Variants in ELOVL4 observed in about 807,000 individuals in gnomAD.
The protein encoded by ELOVL4 is very long chain fatty acid elongase 4.
ELOVL4 carries 18 observed loss-of-function variants against 42.1 expected under a neutral mutation model. The observed-to-expected ratio is 0.43, with a 90% CI of 0.30 to 0.63. ELOVL4 has a LOEUF of 0.63. Ranked by LOEUF, ELOVL4 falls within the 30% of genes least tolerant of loss-of-function variation. The pLI is 0.15. For synonymous variants in ELOVL4, 117 were observed against 127.0 expected, an observed-to-expected ratio of 0.92 and a Z score of 0.53; for missense variants, 299 against 376.2, an observed-to-expected ratio of 0.79 and a Z score of 1.70.
At position 79,916,571 on chromosome 6, in the gene ELOVL4, T is replaced by C; in HGVS notation, c.*37A>G. ...GAAATTTTATATGATATGGGAGTTTTTCCTCACTGTCAACAACAGTTAAGG... is the reference window on the plus strand; with the variant it reads ...GAAATTTTATATGATATGGGAGTTTCTCCTCACTGTCAACAACAGTTAAGG... On this transcript the variant is annotated 3_prime_UTR_variant, in exon 6 of 6. Transcript: ENST00000369816. 7 of 1,612,084 alleles carry C rather than the reference T, an allele frequency of 4.3e-6. No homozygotes were observed. Among genetic ancestry groups the C allele is most frequent in the Non-Finnish European group, 5.9e-6 (7 of 1,179,780 alleles).
At position 79,943,820 on chromosome 6, in the gene ELOVL4, T is replaced by C. The variant is rs144808205; in HGVS notation, c.100+3360A>G. Among the ~76,000 whole-genome samples the C allele has an allele frequency of 2.3e-3, 357 of 152,342 alleles. 5 individuals carry two copies. Among genetic ancestry groups the C allele is most frequent in the Admixed American group, 0.021 (318 of 15,302 alleles). On this transcript the variant is annotated intron_variant, in intron 1 of 5. Coordinates refer to ENST00000369816, the MANE Select transcript of ELOVL4 (RefSeq NM_022726.4). The stretch of plus-strand genomic sequence containing the variant: ...CCTACAGCTCTCCTCCCTCTTCCTG[T>C]ACCACTCATCCCTTCTTTCTGACCC...
chr6:79,917,053 T>C (rs142775019), intron 5 of ELOVL4, among the ~76,000 whole-genome samples, 170 bp from the exon 6 acceptor site: 19 of 152,290 alleles, frequency 1.2e-4, no homozygotes, highest in African/African-American at 2.6e-4. Context: ...TCAAATGCCA[T>C]CTCCTCAGTA....
chr6:79,925,530 C>T (rs1235786687), intron 2 of ELOVL4, among the ~76,000 whole-genome samples: 1 of 152,114 alleles, frequency 6.6e-6, no homozygotes, highest in Non-Finnish European at 1.5e-5. Flanking sequence ...TGGCTTCATA[C>T]AGAATTTTAA....
rs927018958 is a variant in ELOVL4, at chr6:79,947,394, C to A, written c.-115G>T. Reference sequence around the variant, plus strand: ...CGGCGGCCGGGAACCCCTCTAACGGCGGCGGCCCGGCTGCGTCTTCTCCTG... The same window carrying A: ...CGGCGGCCGGGAACCCCTCTAACGGAGGCGGCCCGGCTGCGTCTTCTCCTG... On this transcript the variant is annotated 5_prime_UTR_variant, in exon 1 of 6. Coordinates refer to ENST00000369816, the MANE Select transcript of ELOVL4 (RefSeq NM_022726.4). The A allele has an allele frequency of 2.5e-6, 2 of 786,890 alleles. No homozygotes were observed. Among genetic ancestry groups the A allele is most frequent in the Admixed American group, 4.1e-5 (2 of 49,352 alleles). 48.7% of individuals were successfully genotyped at this position (786,890 alleles called of 1,614,324 possible).
chr6:79,923,656 G>C (rs994939835), intron 3 of ELOVL4, among the ~76,000 whole-genome samples: 1 of 152,002 alleles, frequency 6.6e-6, no homozygotes, highest in African/African-American at 2.4e-5. Context: ...TTAGTCATTT[G>C]TTTACATGGC....
chr6:79,944,135 A>C (rs1774696768), intron 1 of ELOVL4, among the ~76,000 whole-genome samples: 1 of 152,218 alleles, frequency 6.6e-6, no homozygotes, highest in African/African-American at 2.4e-5. Context: ...AAAAGCTATT[A>C]AACATTTATT....
At chr6:79,921,860 T>C (rs1189189548) in intron 3 of ELOVL4, 64 bp from the exon 4 acceptor site, 15 of 1,477,478 alleles carry the variant, frequency 1.0e-5, no homozygotes, top group Non-Finnish European at 1.2e-5. Flanking sequence ...TTATACTCAT[T>C]GTAAGTAAGT....
intron 5 of ELOVL4, 141 bp from the exon 6 acceptor site, chr6:79,917,024 C>T: frequency 1.2e-6 from 1 of 860,152 alleles, no homozygotes; most frequent in Non-Finnish European, 1.9e-6. Flanking sequence ...GCTCCCATGG[C>T]TAGCTCCTCA....
At chr6:79,930,822 T>C (rs1253062021) in intron 1 of ELOVL4, among the ~76,000 whole-genome samples, 5 of 152,174 alleles carry the variant, frequency 3.3e-5, no homozygotes, top group African/African-American at 9.7e-5. Flanking sequence ...ATCCTCTCAT[T>C]TGGGCTATGT....
chr6:79,944,409 C>T (rs949090546), intron 1 of ELOVL4, among the ~76,000 whole-genome samples: 9 of 152,142 alleles, frequency 5.9e-5, no homozygotes, highest in Non-Finnish European at 1.0e-4. Flanking sequence ...TAAACCAACG[C>T]TAATTTCCTC....
intron 4 of ELOVL4, among the ~76,000 whole-genome samples, chr6:79,921,111 G>A (rs1774244363): frequency 6.6e-6 from 1 of 151,878 alleles, no homozygotes; most frequent in Admixed American, 6.6e-5. Context: ...AAATCTTTAG[G>A]TATTAAAGTA....
At chr6:79,931,440 T>C (rs559950966) in intron 1 of ELOVL4, among the ~76,000 whole-genome samples, 1 of 152,292 alleles carries the variant, frequency 6.6e-6, no homozygotes, top group East Asian at 1.9e-4. Flanking sequence ...TCAATCACCA[T>C]GTACTTTAAT....
At chr6:79,925,088 A>C in intron 2 of ELOVL4, 56 bp from the exon 3 acceptor site, 1 of 1,102,126 alleles carries the variant, frequency 9.1e-7, no homozygotes. Context: ...AGCATTAAAA[A>C]CACAATTATA....
Position 79,916,566 on chromosome 6 carries a change from A to T in ELOVL4, c.*42T>A, listed in dbSNP as rs1163581218. ...TCCCTGAAATTTTATATGATATGGG[A>T]GTTTTTCCTCACTGTCAACAACAGT... On this transcript the variant is annotated 3_prime_UTR_variant, in exon 6 of 6. Coordinates refer to ENST00000369816, the MANE Select transcript of ELOVL4 (RefSeq NM_022726.4). 1.9e-6 allele frequency: 3 copies of T among 1,610,418 alleles called. No individual in the cohort carries two copies. Among genetic ancestry groups the T allele is most frequent in the Non-Finnish European group, 2.5e-6 (3 of 1,178,574 alleles).
At chr6:79,921,149 T>G (rs541023724) in intron 4 of ELOVL4, among the ~76,000 whole-genome samples, 4 of 152,092 alleles carry the variant, frequency 2.6e-5, no homozygotes, top group African/African-American at 9.7e-5. Flanking sequence ...AAAGTTATAC[T>G]TGCCTCAAAT....
intron 1 of ELOVL4, among the ~76,000 whole-genome samples, chr6:79,945,616 T>A (rs1366518513): frequency 6.6e-6 from 1 of 152,152 alleles, no homozygotes; most frequent in Non-Finnish European, 1.5e-5. Context: ...GTCTGACTCC[T>A]AGGTGTGCGA....
intron 1 of ELOVL4, among the ~76,000 whole-genome samples, chr6:79,937,866 T>C (rs538778544): frequency 3.9e-5 from 6 of 152,228 alleles, no homozygotes; most frequent in Non-Finnish European, 8.8e-5. Context: ...TCAAATACAG[T>C]ACTACAGCAT....
chr6:79,947,519 C>G lies in ELOVL4; in HGVS notation c.-240G>C. 2 of 547,542 alleles carry G rather than the reference C, an allele frequency of 3.7e-6. No individual in the cohort carries two copies. The highest frequency in any genetic ancestry group is 6.6e-6 in the Non-Finnish European group (2 of 305,054). The allele number at this position is 547,542 out of a possible 1,614,324, so 33.9% of individuals were successfully genotyped here. A position where few individuals can be genotyped will look rare whatever the true frequency, so the allele number is the denominator to read the frequency against. The stretch of plus-strand genomic sequence containing the variant: ...GAGAAAGACGAGGAGGTGGAGGAGG[C>G]CCAGCCGCCAGCACAGTGCGCTGCA... On this transcript the variant is annotated 5_prime_UTR_variant, in exon 1 of 6. Transcript: ENST00000369816.
At chr6:79,937,924 A>G (rs746685883) in intron 1 of ELOVL4, among the ~76,000 whole-genome samples, 12 of 152,176 alleles carry the variant, frequency 7.9e-5, no homozygotes, top group African/African-American at 2.2e-4. Context: ...AGTGAGTTTC[A>G]TCATGTGCAG....
Sources: gnomAD v4.1 joint callset for allele counts (sites outside exome capture counted in the v4.1 genomes callset) on GRCh38, gnomAD v4.1.1 for gene constraint, MANE v1.5 for transcripts, NCBI Gene and HGNC (gene_info 2026-07-23, HGNC 2026-07-21) for gene names.